B3GNT4: variants seen among roughly 807,000 people sequenced by gnomAD.
The protein encoded by B3GNT4 is N-acetyllactosaminide beta-1,3-N-acetylglucosaminyltransferase 4.
Under a neutral mutation model 2.7 loss-of-function variants are expected in B3GNT4, and 2 were observed. The observed-to-expected ratio is 0.73, with a 90% CI of 0.30 to 2.31. The LOEUF (loss-of-function observed/expected upper bound fraction) is 2.31. Ranked by LOEUF, B3GNT4 falls within the 30% of genes most tolerant of loss-of-function variation. The pLI is 0.12. For synonymous variants in B3GNT4, 280 were observed against 203.4 expected (o/e 1.38, Z -3.20); for missense variants, 708 against 490.9 (o/e 1.44, Z -4.18).
At position 122,206,459 on chromosome 12, in the gene B3GNT4, AC is replaced by A. The variant is rs1566016470; in HGVS notation, c.209del (p.Thr70AsnfsTer28). ...CCACCAGCCTTTCTGGGCTCCCCCA[AC>A]ACCCCGTCACAGCCGGTGTCCACCC... is the stretch of plus-strand genomic sequence containing the variant. ...TAHQPFWAPP[T>X]PRHSRCPPNH... is the part of the protein sequence containing the mutation. On this transcript the variant is annotated frameshift_variant, in exon 3 of 3. Coordinates refer to ENST00000324189, the MANE Select transcript of B3GNT4 (RefSeq NM_030765.4). LOFTEE classifies it low-confidence loss of function (END_TRUNC). 6.2e-7 allele frequency: 1 copy of A among 1,614,122 alleles called. No homozygotes were observed. Among genetic ancestry groups the A allele is most frequent in the African/African-American group, 1.3e-5 (1 of 75,060 alleles).
chr12:122,206,521 T>A lies in B3GNT4; in HGVS notation c.270T>A (p.Pro90=), dbSNP rs766766433. The change falls in exon 3 of 3, where the codon CCT becomes CCA. Residue 90 remains proline, a synonymous_variant. Coordinates refer to ENST00000324189, the MANE Select transcript of B3GNT4 (RefSeq NM_030765.4). ...HTVSSASLSL[P]SRHRLFLTYR... is the part of the protein sequence containing the mutation. ...TGTCTAGCGCCTCTCTGTCCCTGCCTAGCCGTCACCGTCTCTTCTTGACCT... is the reference window on the plus strand; with the variant it reads ...TGTCTAGCGCCTCTCTGTCCCTGCCAAGCCGTCACCGTCTCTTCTTGACCT... 6.2e-7 allele frequency: 1 copy of A among 1,614,076 alleles called. No homozygotes were observed. Among genetic ancestry groups the A allele is most frequent in the African/African-American group, 1.3e-5 (1 of 74,934 alleles).
chr12:122,204,606 C>A lies in B3GNT4; in HGVS notation c.-13C>A, dbSNP rs774645996. On this transcript the variant is annotated 5_prime_UTR_variant, in exon 2 of 3. Transcript: ENST00000324189. The stretch of plus-strand genomic sequence containing the variant: ...GGCATCCTGAGCACGGAGACAGTCT[C>A]CAGCTGCCGTTCATGCTTCCTCCCC... The A allele has an allele frequency of 6.2e-7, 1 of 1,605,976 alleles. No individual in the cohort carries two copies. Among genetic ancestry groups the A allele is most frequent in the Non-Finnish European group, 8.5e-7 (1 of 1,173,380 alleles).
rs1246602712 is a variant in B3GNT4 at position 122,206,890 on chromosome 12, C to T, written c.639C>T (p.Phe213=). The change falls in exon 3 of 3, where the codon TTC becomes TTT. Residue 213 remains phenylalanine, a synonymous_variant. Coordinates refer to ENST00000324189, the MANE Select transcript of B3GNT4 (RefSeq NM_030765.4). ...WVVAACPQAH[F]MLKGDDDVFV... is the part of the protein sequence containing the mutation. ...TGGCTGCCTGCCCCCAGGCCCATTT[C>T]ATGCTAAAGGGAGATGACGATGTCT... 1 of 1,614,044 alleles carries T rather than the reference C, an allele frequency of 6.2e-7. No homozygotes were observed. The highest frequency in any genetic ancestry group is 1.1e-5 in the South Asian group (1 of 91,082).
Position 122,204,554 on chromosome 12 carries a change from G to A in B3GNT4, c.-65G>A. 1.4e-6 allele frequency: 2 copies of A among 1,398,332 alleles called. No individual in the cohort carries two copies. Among genetic ancestry groups the A allele is most frequent in the South Asian group, 1.2e-5 (1 of 85,396 alleles). The allele number at this position is 1,398,332 out of a possible 1,614,324, so 86.6% of individuals were successfully genotyped here. ...TGCTCGCACACCTGAGACTCATCTC[G>A]CTTCGACCCCGCCGCCGCCGCCGCC... On this transcript the variant is annotated 5_prime_UTR_variant, in exon 2 of 3. Coordinates refer to ENST00000324189, the MANE Select transcript of B3GNT4 (RefSeq NM_030765.4).
In B3GNT4 at chr12:122,208,417, A is replaced by G; in HGVS notation, c.*1029A>G. 4.3e-6 allele frequency: 7 copies of G among 1,613,304 alleles called. No individual in the cohort carries two copies. Among genetic ancestry groups the G allele is most frequent in the Non-Finnish European group, 5.9e-6 (7 of 1,180,006 alleles). On this transcript the variant is annotated 3_prime_UTR_variant, in exon 3 of 3. Transcript: ENST00000324189. ...GCAGGTAGGCCTCCTGCTCCGACTC[A>G]GCCCGCTCCTCCCCTTCCTCCTGTG...
chr12:122,204,514 G>C lies in B3GNT4; in HGVS notation c.-97-8G>C, dbSNP rs1316644991. The stretch of plus-strand genomic sequence containing the variant: ...GCACCGCCGCCCGCCCGGGCCTCTC[G>C]TCCACAGCCCGCGGTGCTCGCACAC... On this transcript the variant is annotated splice_region_variant and splice_polypyrimidine_tract_variant and intron_variant, in intron 1 of 2. Transcript: ENST00000324189. 6.0e-6 allele frequency: 6 copies of C among 1,007,892 alleles called. No individual in the cohort carries two copies. The highest frequency in any genetic ancestry group is 1.6e-5 in the African/African-American group (1 of 62,962). 62.4% of individuals were successfully genotyped at this position (1,007,892 alleles called of 1,614,324 possible).
chr12:122,207,299 C>T lies in B3GNT4; in HGVS notation c.1048C>T (p.Arg350Cys), dbSNP rs146739121. Residue 350 changes from arginine (R) to cysteine (C), a missense_variant, in exon 3 of 3, where the codon CGC becomes TGC. By Grantham distance (180) the Arg-to-Cys change is radical. Coordinates refer to ENST00000324189, the MANE Select transcript of B3GNT4 (RefSeq NM_030765.4). The part of the protein sequence containing the change: ...CLYRGLLLVH[R>C]LSPLEMWTMW... The stretch of plus-strand genomic sequence containing the variant: ...GTATAGGGGGCTCCTGCTGGTTCAC[C>T]GCCTCAGCCCCCTCGAGATGTGGAC... 7.9e-5 allele frequency: 128 copies of T among 1,613,608 alleles called. No individual in the cohort carries two copies. The highest frequency in any genetic ancestry group is 4.9e-4 in the Middle Eastern group (3 of 6,062).
chr12:122,207,773 G>GT lies in B3GNT4; in HGVS notation c.*387dup. Reference sequence around the variant, plus strand: ...AGAAAGGAAGGAACAAGAGGCCTGTGTTAAGTCCTGTTGATGTTAAGTCCT... The same window carrying GT: ...AGAAAGGAAGGAACAAGAGGCCTGTGTTTAAGTCCTGTTGATGTTAAGTCCT... On this transcript the variant is annotated 3_prime_UTR_variant, in exon 3 of 3. Transcript: ENST00000324189. The GT allele has an allele frequency of 2.1e-6, 1 of 472,288 alleles. No homozygotes were observed. Among genetic ancestry groups the GT allele is most frequent in the Non-Finnish European group, 4.2e-6 (1 of 239,352 alleles). The allele number at this position is 472,288 out of a possible 1,614,324, so 29.3% of individuals were successfully genotyped here. A position where few individuals can be genotyped will look rare whatever the true frequency, so the allele number is the denominator to read the frequency against.
chr12:122,207,103 C>CA lies in B3GNT4; in HGVS notation c.853dup (p.Arg285LysfsTer15). The CA allele has an allele frequency of 6.2e-7, 1 of 1,614,168 alleles. No homozygotes were observed. ...CTGGTGGGGGAGGATATGTCATGTC[C>CA]AGAGCCACAGTGCGGCGCCTCCAGG... On this transcript the variant is annotated frameshift_variant, in exon 3 of 3. Transcript: ENST00000324189. LOFTEE classifies it low-confidence loss of function (END_TRUNC).
In B3GNT4 at chr12:122,207,446, C is replaced by CG. The variant is rs2136076421; in HGVS notation, c.*59dup. ...TCAGTGTTGATTCTCTATCGTGATG[C>CG]GAAATTGATGCCTGCTGCTCTACAG... On this transcript the variant is annotated 3_prime_UTR_variant, in exon 3 of 3. Coordinates refer to ENST00000324189, the MANE Select transcript of B3GNT4 (RefSeq NM_030765.4). 4 of 1,415,974 alleles carry CG rather than the reference C, an allele frequency of 2.8e-6. No homozygotes were observed. The highest frequency in any genetic ancestry group is 3.8e-6 in the Non-Finnish European group (4 of 1,065,652). 87.7% of individuals were successfully genotyped at this position (1,415,974 alleles called of 1,614,324 possible).
rs1365389466 is a variant in B3GNT4, at chr12:122,203,717, G to GC, written c.-178dup. ...CTCCAGAAGCCCCGCCCACTCCCGA[G>GC]CCCCGAGAGCTCCGCGCACCTGGGC... On this transcript the variant is annotated 5_prime_UTR_variant, in exon 1 of 3. Coordinates refer to ENST00000324189, the MANE Select transcript of B3GNT4 (RefSeq NM_030765.4). 1 of 294,144 alleles carries GC rather than the reference G, an allele frequency of 3.4e-6. No individual in the cohort carries two copies. Among genetic ancestry groups the GC allele is most frequent in the African/African-American group, 2.2e-5 (1 of 45,274 alleles). The allele number at this position is 294,144 out of a possible 1,614,324, so 18.2% of individuals were successfully genotyped here.
rs1394031528 is a variant in B3GNT4, at chr12:122,206,550, G to A, written c.299G>A (p.Arg100His). The A allele has an allele frequency of 1.3e-5, 21 of 1,614,018 alleles. No individual in the cohort carries two copies. Among genetic ancestry groups the A allele is most frequent in the African/African-American group, 1.3e-5 (1 of 74,934 alleles). The change falls in exon 3 of 3, where the codon CGT (arginine) becomes CAT (histidine). Residue 100 changes from arginine to histidine, a missense_variant. By Grantham distance (29) the Arg-to-His change is conservative. Coordinates refer to ENST00000324189, the MANE Select transcript of B3GNT4 (RefSeq NM_030765.4). The stretch of plus-strand genomic sequence containing the variant: ...CGTCACCGTCTCTTCTTGACCTATC[G>A]TCACTGCCGAAATTTCTCTATCTTG... ...PSRHRLFLTYRHCRNFSILLE... is the reference protein window; with the variant it reads ...PSRHRLFLTYHHCRNFSILLE...
At position 122,206,942 on chromosome 12, in the gene B3GNT4, T is replaced by C; in HGVS notation, c.691T>C (p.Phe231Leu). 1.2e-6 allele frequency: 2 copies of C among 1,614,014 alleles called. No homozygotes were observed. The highest frequency in any genetic ancestry group is 1.7e-6 in the Non-Finnish European group (2 of 1,179,996). The stretch of plus-strand genomic sequence containing the variant: ...TGTCCACGTCCCCAACGTGTTAGAG[T>C]TCCTGGATGGCTGGGACCCAGCCCA... ...VFVHVPNVLE[F>L]LDGWDPAQDL... The change falls in exon 3 of 3, where the codon TTC (phenylalanine) becomes CTC (leucine). Residue 231 changes from phenylalanine to leucine, a missense_variant. Coordinates refer to ENST00000324189, the MANE Select transcript of B3GNT4 (RefSeq NM_030765.4).
chr12:122,207,615 C>T lies in B3GNT4; in HGVS notation c.*227C>T, dbSNP rs909360187. 2.7e-5 allele frequency: 17 copies of T among 627,574 alleles called. No homozygotes were observed. The highest frequency in any genetic ancestry group is 1.3e-4 in the African/African-American group (7 of 54,370). 38.9% of individuals were successfully genotyped at this position (627,574 alleles called of 1,614,324 possible). A position where few individuals can be genotyped will look rare whatever the true frequency, so the allele number is the denominator to read the frequency against. ...CAGGAACCTGTCGGGGCATTCCGGG[C>T]GCTGCCTGGGGCGCTGCAGTCTGGG... On this transcript the variant is annotated 3_prime_UTR_variant, in exon 3 of 3. Transcript: ENST00000324189.
rs1953983756 is a variant in B3GNT4 at position 122,208,380 on chromosome 12, C to T, written c.*992C>T. 6.2e-7 allele frequency: 1 copy of T among 1,611,872 alleles called. No individual in the cohort carries two copies. Among genetic ancestry groups the T allele is most frequent in the Non-Finnish European group, 8.5e-7 (1 of 1,180,020 alleles). ...GGAGACAGGGCAGTGTGCTCAGGCC[C>T]TCAATCCTCACGCAGGTAGGCCTCC... On this transcript the variant is annotated 3_prime_UTR_variant, in exon 3 of 3. Transcript: ENST00000324189.
At position 122,206,932 on chromosome 12, in the gene B3GNT4, C is replaced by G; in HGVS notation, c.681C>G (p.Asn227Lys). ...GDDDVFVHVP[N>K]VLEFLDGWDP... ...ACGATGTCTTTGTCCACGTCCCCAA[C>G]GTGTTAGAGTTCCTGGATGGCTGGG... The change falls in exon 3 of 3, where the codon AAC (asparagine) becomes AAG (lysine). Residue 227 changes from asparagine (N) to lysine (K), a missense_variant. By Grantham distance (94) the Asn-to-Lys change is moderately conservative. Coordinates refer to ENST00000324189, the MANE Select transcript of B3GNT4 (RefSeq NM_030765.4). 6.2e-7 allele frequency: 1 copy of G among 1,614,150 alleles called. No homozygotes were observed. Among genetic ancestry groups the G allele is most frequent in the Non-Finnish European group, 8.5e-7 (1 of 1,180,038 alleles).
At position 122,208,763 on chromosome 12, in the gene B3GNT4, A is replaced by C; in HGVS notation, c.*1375A>C. 1.4e-6 allele frequency: 1 copy of C among 704,934 alleles called. No individual in the cohort carries two copies. 43.7% of individuals were successfully genotyped at this position (704,934 alleles called of 1,614,324 possible). A position where few individuals can be genotyped will look rare whatever the true frequency, so the allele number is the denominator to read the frequency against. ...ATGTTCAGGTCTGGATTTAACTGACACTCTGTCAAAAACAGCATTTTTCTT... is the reference window on the plus strand; with the variant it reads ...ATGTTCAGGTCTGGATTTAACTGACCCTCTGTCAAAAACAGCATTTTTCTT... On this transcript the variant is annotated 3_prime_UTR_variant, in exon 3 of 3. Coordinates refer to ENST00000324189, the MANE Select transcript of B3GNT4 (RefSeq NM_030765.4).
rs980992410 is a variant in B3GNT4, at chr12:122,207,204, G to A, written c.953G>A (p.Ser318Asn). Reference sequence around the variant, plus strand: ...ATGTGCCTGAGGCGGCTGGGGCTGAGCCCTATGCACCATGCTGGCTTCAAG... The same window carrying A: ...ATGTGCCTGAGGCGGCTGGGGCTGAACCCTATGCACCATGCTGGCTTCAAG... Reference protein sequence around the residue: ...VGMCLRRLGLSPMHHAGFKTF... With the variant: ...VGMCLRRLGLNPMHHAGFKTF... Residue 318 changes from serine (S) to asparagine (N), a missense_variant, in exon 3 of 3, where the codon AGC becomes AAC. By Grantham distance (46) the Ser-to-Asn change is conservative (BLOSUM62 1). Coordinates refer to ENST00000324189, the MANE Select transcript of B3GNT4 (RefSeq NM_030765.4). The A allele has an allele frequency of 4.2e-5, 67 of 1,613,954 alleles. No homozygotes were observed. The highest frequency in any genetic ancestry group is 5.4e-5 in the Non-Finnish European group (64 of 1,180,020).
At position 122,208,423 on chromosome 12, in the gene B3GNT4, C is replaced by T. The variant is rs1290110824; in HGVS notation, c.*1035C>T. ...AGGCCTCCTGCTCCGACTCAGCCCG[C>T]TCCTCCCCTTCCTCCTGTGTTTTCT... is the stretch of plus-strand genomic sequence containing the variant. On this transcript the variant is annotated 3_prime_UTR_variant, in exon 3 of 3. Transcript: ENST00000324189. 1.2e-6 allele frequency: 2 copies of T among 1,613,598 alleles called. No individual in the cohort carries two copies. The highest frequency in any genetic ancestry group is 1.3e-5 in the African/African-American group (1 of 75,036).
Sources: allele counts gnomAD v4.1 joint callset, GRCh38; gene constraint gnomAD v4.1.1; transcripts MANE v1.5; gene names NCBI Gene and HGNC (gene_info 2026-07-23, HGNC 2026-07-21).